C1QTNF5: variants seen among roughly 807,000 people sequenced by gnomAD.
C1QTNF5 encodes complement C1q tumor necrosis factor-related protein 5.
Under a neutral mutation model 10.9 loss-of-function variants are expected in C1QTNF5, and 5 were observed. That is an observed-to-expected ratio of 0.46 (90% CI 0.24 to 0.97). C1QTNF5 has a LOEUF of 0.97. C1QTNF5 is among the 50% of genes least tolerant of loss of function. The pLI, the probability that C1QTNF5 is intolerant of heterozygous loss-of-function variation, is 0.19. For synonymous variants in C1QTNF5, 161 were observed against 156.5 expected, an observed-to-expected ratio of 1.03 and a Z score of -0.22; for missense variants, 281 against 339.4, an observed-to-expected ratio of 0.83 and a Z score of 1.35.
Position 119,340,216 on chromosome 11 carries a change from GC to G in C1QTNF5, c.181del (p.Ala61LeufsTer70), listed in dbSNP as rs1950487708. On this transcript the variant is annotated frameshift_variant, in exon 2 of 3. Coordinates refer to ENST00000528368, the MANE Select transcript of C1QTNF5 (RefSeq NM_001278431.2). LOFTEE classifies it low-confidence loss of function (END_TRUNC). ...CCCGCCCTCGCCTTTCTCTCCCGGA[GC>G]CCCGGGCGCGCCGTCGCGGCCGTCG... The part of the protein sequence containing the change: ...GRDGRDGAPG[A>X]PGEKGEGGRP... The G allele has an allele frequency of 1.3e-6, 2 of 1,513,940 alleles. No homozygotes were observed. Among genetic ancestry groups the G allele is most frequent in the African/African-American group, 2.9e-5 (2 of 68,746 alleles). 93.8% of individuals were successfully genotyped at this position (1,513,940 alleles called of 1,614,324 possible).
rs763335453 is a variant in C1QTNF5 at position 119,340,370 on chromosome 11, G to A, written c.28C>T (p.Leu10=). 4.5e-6 allele frequency: 7 copies of A among 1,544,806 alleles called. No individual in the cohort carries two copies. In the South Asian group the frequency reaches 4.8e-5, roughly 11 times the overall value. MRPLLVLLL[L]GLAAGSPPLD... ...GGGGGCGAGCCGGCCGCCAGGCCCA[G>A]GAGCAGCAGGACGAGGAGTGGCCTC... The change falls in exon 2 of 3, where the codon CTG becomes TTG. Residue 10 remains leucine (L), a synonymous_variant. Transcript: ENST00000528368.
upstream of C1QTNF5, chr11:119,343,972 A>G (rs1291229832): frequency 1.9e-6 from 3 of 1,603,894 alleles, no homozygotes; most frequent in Non-Finnish European, 2.5e-6. Flanking sequence ...GAGCTGGGGG[A>G]GGGCATAGGT....
At chr11:119,341,305 C>G, upstream of C1QTNF5, 2 of 570,190 alleles carry the variant, frequency 3.5e-6, no homozygotes, top group Non-Finnish European at 6.3e-6. Flanking sequence ...GAAGTGGTCT[C>G]GATTGTCCGG....
Position 119,339,774 on chromosome 11 carries a change from C to A in C1QTNF5, c.289G>T (p.Glu97Ter). Residue 97 changes from glutamate to a stop codon, truncating the protein, a stop_gained, in exon 3 of 3, where the codon GAG becomes TAG. Coordinates refer to ENST00000528368, the MANE Select transcript of C1QTNF5 (RefSeq NM_001278431.2). LOFTEE classifies it low-confidence loss of function (END_TRUNC). This position sits in a 1 kb window ranked among gnomAD's most constrained non-coding sequence, Gnocchi z 5.4. ...GCGGATCGCGGAGGCACCGAGCACT[C>A]CCCGGCAGGCCCGGTGGGCCCCGCG... Reference protein sequence around the residue: ...GPAGPTGPAGECSVPPRSAFS... With the variant: ...GPAGPTGPAG The A allele has an allele frequency of 6.5e-7, 1 of 1,548,610 alleles. No individual in the cohort carries two copies. Among genetic ancestry groups the A allele is most frequent in the Non-Finnish European group, 8.7e-7 (1 of 1,154,220 alleles).
chr11:119,346,604 G>GCTGCCCCTCT, the C1QTNF5 span: 1 of 1,310,366 alleles, frequency 7.6e-7, no homozygotes, highest in Non-Finnish European at 1.1e-6. Context: ...CCTGTCAGAG[G>GCTGCCCCTCT]GGCAGCCTCT....
chr11:119,346,442 A>G, the C1QTNF5 span: 1 of 1,613,918 alleles, frequency 6.2e-7, no homozygotes, highest in Non-Finnish European at 8.5e-7. Flanking sequence ...TAGGAGCACG[A>G]TTCTATGTGG....
At chr11:119,346,441 G>T in the C1QTNF5 span, 1 of 1,613,816 alleles carries the variant, frequency 6.2e-7, no homozygotes, top group Non-Finnish European at 8.5e-7. Context: ...TTAGGAGCAC[G>T]ATTCTATGTG....
At chr11:119,343,695 C>T (rs751283814), upstream of C1QTNF5, 20 of 1,286,486 alleles carry the variant, frequency 1.6e-5, no homozygotes, top group Non-Finnish European at 1.9e-5. Context: ...GAAGAGACCC[C>T]CGGCCTGGAG....
Position 119,339,563 on chromosome 11 carries a change from T to A in C1QTNF5, c.500A>T (p.Asp167Val), listed in dbSNP as rs1464195460. Residue 167 changes from aspartate to valine, a missense_variant, in exon 3 of 3, where the codon GAT (aspartate) becomes GTT (valine). Physicochemically the swap from Asp to Val is radical, Grantham distance 152 (BLOSUM62 -3). Coordinates refer to ENST00000528368, the MANE Select transcript of C1QTNF5 (RefSeq NM_001278431.2). The surrounding 1 kb of genome is among the most constrained non-coding windows in gnomAD (Gnocchi z 5.4). ...ATVYRASLQFDLVKNGESIAS... is the reference protein window; with the variant it reads ...ATVYRASLQFVLVKNGESIAS... ...AATGGATTCGCCATTCTTCACCAGA[T>A]CAAACTGCAGGCTGGCCCGGTAGAC... 1 of 1,613,126 alleles carries A rather than the reference T, an allele frequency of 6.2e-7. No individual in the cohort carries two copies. Among genetic ancestry groups the A allele is most frequent in the Non-Finnish European group, 8.5e-7 (1 of 1,180,004 alleles).
At chr11:119,345,623 GCCT>G (rs1431547038), upstream of C1QTNF5, 1 of 1,613,640 alleles carries the variant, frequency 6.2e-7, no homozygotes, top group Non-Finnish European at 8.5e-7. Flanking sequence ...CAGAGAGGAG[GCCT>G]CCACAGGCTG....
chr11:119,343,838 C>T (rs1409900171), upstream of C1QTNF5: 1 of 1,613,966 alleles, frequency 6.2e-7, no homozygotes, highest in Non-Finnish European at 8.5e-7. Flanking sequence ...CTGAAGGCCC[C>T]TGAGCTGCTG....
At position 119,339,297 on chromosome 11, in the gene C1QTNF5, G is replaced by C. The variant is rs200181343; in HGVS notation, c.*34C>G. On this transcript the variant is annotated 3_prime_UTR_variant, in exon 3 of 3. Coordinates refer to ENST00000528368, the MANE Select transcript of C1QTNF5 (RefSeq NM_001278431.2). This position sits in a 1 kb window ranked among gnomAD's most constrained non-coding sequence, Gnocchi z 5.4. ...TTGTCAGCCTCACACCCTCCTTCTA[G>C]GAGTGAGAGCATGAGCTCACTTTGC... The C allele has an allele frequency of 2.1e-3, 3,444 of 1,603,536 alleles. 100 individuals are homozygous for C. In the South Asian group the frequency reaches 0.036, roughly 17 times the overall value.
chr11:119,346,291 G>A, the C1QTNF5 span: 8 of 1,613,396 alleles, frequency 5.0e-6, no homozygotes, highest in Admixed American at 3.3e-5. Context: ...GAGCTGGGAC[G>A]CTGTAGCTGG....
At chr11:119,344,797 C>G, upstream of C1QTNF5, 2 of 1,613,742 alleles carry the variant, frequency 1.2e-6, no homozygotes, top group Non-Finnish European at 1.7e-6. Flanking sequence ...CCCGGAGTCT[C>G]CACCCCTTTG....
At chr11:119,345,292 A>G (rs1950550263), upstream of C1QTNF5, 1 of 969,786 alleles carries the variant, frequency 1.0e-6, no homozygotes, top group Non-Finnish European at 1.6e-6. Flanking sequence ...GTGGTGGCAG[A>G]GCTGGGCCCA....
At chr11:119,345,748 C>T (rs759494222), upstream of C1QTNF5, 30 of 1,613,266 alleles carry the variant, frequency 1.9e-5, no homozygotes, top group Middle Eastern at 3.3e-4. Flanking sequence ...GCCCTTCTCC[C>T]GGAAGATCTG....
upstream of C1QTNF5, chr11:119,345,853 G>T (rs1299599168): frequency 1.9e-6 from 3 of 1,613,834 alleles, no homozygotes; most frequent in Non-Finnish European, 1.7e-6. Flanking sequence ...GATGGTGGGG[G>T]TGGTGGTGGT....
At chr11:119,346,469 T>A in the C1QTNF5 span, 2 of 1,613,972 alleles carry the variant, frequency 1.2e-6, no homozygotes, top group African/African-American at 2.7e-5. Flanking sequence ...CCTTGCTCGA[T>A]TCTGTTGCCT....
chr11:119,341,303 C>A, upstream of C1QTNF5: 1 of 565,958 alleles, frequency 1.8e-6, no homozygotes, highest in Non-Finnish European at 3.1e-6. Flanking sequence ...GGGAAGTGGT[C>A]TCGATTGTCC....
Sources: gnomAD v4.1 joint callset for allele counts on GRCh38, gnomAD v4.1.1 for gene constraint, Gnocchi (gnomAD v3.1) non-coding constraint, MANE v1.5 for transcripts, NCBI Gene and HGNC (gene_info 2026-07-23, HGNC 2026-07-21) for gene names.